The following TENM2 variants were observed in gnomAD, a reference collection of about 807,000 sequenced individuals.
The protein encoded by TENM2 is teneurin-2.
In TENM2, 52 loss-of-function variants were observed where a neutral mutation model predicts 245.2. That is an observed-to-expected ratio of 0.21 (90% confidence interval 0.17 to 0.27). The LOEUF (loss-of-function observed/expected upper bound fraction) is 0.27. Ranked by LOEUF, TENM2 falls within the 10% of genes least tolerant of loss-of-function variation. TENM2 has a pLI of 1.00. For synonymous variants in TENM2, 1,363 were observed against 1,438.9 expected (o/e 0.95, Z 1.19); for missense variants, 3,046 against 3,666.8 (o/e 0.83, Z 4.37).
At chr5:167,575,772 A>G (rs1774624522) in intron 2 of TENM2, among the ~76,000 whole-genome samples, 2 of 152,200 alleles carry the variant, frequency 1.3e-5, no homozygotes, top group African/African-American at 2.4e-5. Context: ...GTTTGATGCA[A>G]TCGTGCTGGT....
At chr5:167,990,711 A>C (rs1783602142) in intron 4 of TENM2, among the ~76,000 whole-genome samples, 1 of 152,216 alleles carries the variant, frequency 6.6e-6, no homozygotes, top group Non-Finnish European at 1.5e-5. Flanking sequence ...TTATTTATGG[A>C]ATCAAACTTC....
chr5:167,677,053 C>T (rs933633573), intron 2 of TENM2, among the ~76,000 whole-genome samples: 1 of 152,172 alleles, frequency 6.6e-6, no homozygotes, highest in African/African-American at 2.4e-5. Flanking sequence ...TCCATGCAGA[C>T]TATTCCATCT....
At chr5:167,179,199 A>G in the TENM2 span, among the ~76,000 whole-genome samples, 1 of 152,218 alleles carries the variant, frequency 6.6e-6, no homozygotes, top group African/African-American at 2.4e-5. Context: ...TTCCAAGGAT[A>G]ACAGGAAAAA....
At chr5:167,551,416 C>CATCT (rs937945707) in intron 2 of TENM2, among the ~76,000 whole-genome samples, 1 of 152,164 alleles carries the variant, frequency 6.6e-6, no homozygotes, top group Non-Finnish European at 1.5e-5. Flanking sequence ...TCTGCCCGCT[C>CATCT]ATCTATCTAT....
At chr5:167,815,080 A>G (rs1672198019) in intron 2 of TENM2, among the ~76,000 whole-genome samples, 1 of 152,198 alleles carries the variant, frequency 6.6e-6, no homozygotes, top group South Asian at 2.1e-4. Context: ...TCTGACACAC[A>G]GTTCTCTGTT....
At chr5:167,373,144 A>G (rs961985657) in intron 1 of TENM2, among the ~76,000 whole-genome samples, 15 of 152,246 alleles carry the variant, frequency 9.9e-5, no homozygotes, top group Non-Finnish European at 4.4e-5. Context: ...ACAATTATGT[A>G]TAGAATTGGG....
intron 24 of TENM2, among the ~76,000 whole-genome samples, chr5:168,226,494 T>C (rs1764199568): frequency 6.6e-6 from 1 of 152,164 alleles, no homozygotes; most frequent in Non-Finnish European, 1.5e-5. Flanking sequence ...TGTCTAGATA[T>C]TTGAACTGTC....
intron 2 of TENM2, among the ~76,000 whole-genome samples, chr5:167,867,118 G>A (rs900022500): frequency 6.6e-6 from 1 of 152,186 alleles, no homozygotes; most frequent in Non-Finnish European, 1.5e-5. Flanking sequence ...GGTATTTGAG[G>A]ATCCATTGCC....
chr5:167,137,527 C>G, the TENM2 span, among the ~76,000 whole-genome samples: 2 of 152,124 alleles, frequency 1.3e-5, no homozygotes, highest in African/African-American at 4.8e-5. Context: ...GGGAATCTCC[C>G]CAGGTGTCCC....
intron 2 of TENM2, among the ~76,000 whole-genome samples, chr5:167,645,988 C>G (rs1407321476): frequency 6.6e-6 from 1 of 151,280 alleles, no homozygotes; most frequent in African/African-American, 2.4e-5. Context: ...ATATGGAATT[C>G]TCTCCAGGTC....
intron 2 of TENM2, among the ~76,000 whole-genome samples, chr5:167,584,215 G>A (rs1194703233): frequency 6.6e-6 from 1 of 152,204 alleles, no homozygotes; most frequent in East Asian, 1.9e-4. Context: ...TAGATTTATT[G>A]AGACAAAAGT....
At chr5:167,603,434 G>A (rs1183664554) in intron 2 of TENM2, among the ~76,000 whole-genome samples, 4 of 152,156 alleles carry the variant, frequency 2.6e-5, no homozygotes, top group African/African-American at 9.7e-5. Context: ...TGTAATCCCA[G>A]CATTTCGAAA....
intron 2 of TENM2, among the ~76,000 whole-genome samples, chr5:167,441,709 G>C (rs4518425): frequency 0.25 from 38,292 of 152,108 alleles, 5,410 homozygotes; most frequent in Non-Finnish European, 0.32. Context: ...ATTACCTCCC[G>C]CTTTCATACG....
chr5:167,117,769 G>A, the TENM2 span, among the ~76,000 whole-genome samples: 1 of 152,172 alleles, frequency 6.6e-6, no homozygotes, highest in East Asian at 1.9e-4. Flanking sequence ...TGGCTTATAG[G>A]ATGTTTGGCA....
chr5:167,050,149 C>G, the TENM2 span, among the ~76,000 whole-genome samples: 1 of 152,114 alleles, frequency 6.6e-6, no homozygotes, highest in Non-Finnish European at 1.5e-5. Flanking sequence ...TCCCAACCCC[C>G]GGGCTGCGGA....
intron 2 of TENM2, among the ~76,000 whole-genome samples, chr5:167,477,189 T>C (rs1249253132): frequency 1.3e-5 from 2 of 151,686 alleles, no homozygotes; most frequent in Non-Finnish European, 2.9e-5. Context: ...TTAATAAAAT[T>C]AATAATTTTT....
At chr5:167,731,583 C>T (rs1760440373) in intron 2 of TENM2, among the ~76,000 whole-genome samples, 1 of 151,328 alleles carries the variant, frequency 6.6e-6, no homozygotes, top group Non-Finnish European at 1.5e-5. Context: ...TTTATTTAAC[C>T]TATTTTATCA....
chr5:167,056,262 C>T, the TENM2 span, among the ~76,000 whole-genome samples: 1 of 151,620 alleles, frequency 6.6e-6, no homozygotes, highest in Non-Finnish European at 1.5e-5. Flanking sequence ...GCAACAAATT[C>T]CCTCCAATTT....
At chr5:166,998,812 T>C in the TENM2 span, among the ~76,000 whole-genome samples, 2 of 152,162 alleles carry the variant, frequency 1.3e-5, no homozygotes, top group African/African-American at 4.8e-5. Flanking sequence ...CAGTGTTATA[T>C]GCCTGTTTAC....
Sources: gnomAD v4.1 joint callset for allele counts (sites outside exome capture counted in the v4.1 genomes callset) on GRCh38, gnomAD v4.1.1 for gene constraint, MANE v1.5 for transcripts, NCBI Gene and HGNC (gene_info 2026-07-23, HGNC 2026-07-21) for gene names.